CPXM2: variants seen among roughly 807,000 people sequenced by gnomAD.
The protein encoded by CPXM2 is inactive carboxypeptidase-like protein X2.
In CPXM2, 66 loss-of-function variants were observed where a neutral mutation model predicts 86.1. The observed-to-expected ratio is 0.77, with a 90% CI of 0.63 to 0.94. CPXM2 has a LOEUF of 0.94. Among genes scored for constraint, CPXM2 ranks in the 40% least tolerant of loss-of-function variants. The pLI is 0.00. For synonymous variants in CPXM2, 388 were observed against 400.2 expected, an observed-to-expected ratio of 0.97 and a Z score of 0.36; for missense variants, 948 against 1,026.3, an observed-to-expected ratio of 0.92 and a Z score of 1.04.
Position 123,891,070 on chromosome 10 carries a change from A to G in CPXM2, c.304+286T>C, listed in dbSNP as rs902166595. ...TAGCTCAGGGGATTTCAAGCTTGAA[A>G]CAAGAACTTTGACTCTCATAGGCAG... On this transcript the variant is annotated intron_variant, in intron 1 of 13. Coordinates refer to ENST00000241305, the MANE Select transcript of CPXM2 (RefSeq NM_198148.3). This position sits in a 1 kb window ranked among gnomAD's most constrained non-coding sequence, Gnocchi z 5.6. 2.6e-5 allele frequency among the ~76,000 whole-genome samples: 4 copies of G among 152,256 alleles called. No individual in the cohort carries two copies. Among genetic ancestry groups the G allele is most frequent in the Non-Finnish European group, 5.9e-5 (4 of 68,044 alleles).
intron 11 of CPXM2, among the ~76,000 whole-genome samples, chr10:123,759,797 G>T (rs1469495546): frequency 2.0e-5 from 3 of 152,190 alleles, no homozygotes; most frequent in Non-Finnish European, 4.4e-5. Flanking sequence ...AAGGTGCAGG[G>T]TTGCAGGAAC....
At chr10:123,826,928 A>G (rs1458177095) in intron 4 of CPXM2, among the ~76,000 whole-genome samples, 1 of 152,212 alleles carries the variant, frequency 6.6e-6, no homozygotes, top group Non-Finnish European at 1.5e-5. Flanking sequence ...AAAAAATTAT[A>G]GAAAAATACA....
intron 3 of CPXM2, among the ~76,000 whole-genome samples, chr10:123,856,859 T>G (rs1848735541): frequency 6.6e-6 from 1 of 152,216 alleles, no homozygotes. Context: ...CCCAAAGTGC[T>G]GGGGTTACAG....
chr10:123,768,376 AAAATAAATAAAT>A lies in CPXM2; in HGVS notation c.1299+138_1299+149del, dbSNP rs57827983. ...GCAACAGAGGGAGACTCCGACTCAA[AAAATAAATAAAT>A]AAATAAATAAATAAATAAATAAATA... On this transcript the variant is annotated intron_variant, in intron 9 of 13. Coordinates refer to ENST00000241305, the MANE Select transcript of CPXM2 (RefSeq NM_198148.3). 2,591 of 322,038 alleles carry A rather than the reference AAAATAAATAAAT, an allele frequency of 8.0e-3. 31 individuals carry two copies. Among genetic ancestry groups the A allele is most frequent in the East Asian group, 0.03 (641 of 21,190 alleles). The allele number at this position is 322,038 out of a possible 1,614,324, so 19.9% of individuals were successfully genotyped here.
chr10:123,768,112 G>C (rs541000254), intron 9 of CPXM2, among the ~76,000 whole-genome samples: 1 of 152,288 alleles, frequency 6.6e-6, no homozygotes, highest in South Asian at 2.1e-4. Context: ...GTGTGGCCAG[G>C]CACGGTGGCT....
At chr10:123,812,830 T>C (rs1459625828) in intron 4 of CPXM2, among the ~76,000 whole-genome samples, 1 of 151,568 alleles carries the variant, frequency 6.6e-6, no homozygotes, top group East Asian at 1.9e-4. Flanking sequence ...CCCTTCCCCA[T>C]CCCCCATCCC....
intron 2 of CPXM2, among the ~76,000 whole-genome samples, chr10:123,866,565 A>C (rs1397072565): frequency 6.1e-5 from 1 of 16,496 alleles, no homozygotes; most frequent in Non-Finnish European, 1.5e-4. Context: ...ACACTGTCTC[A>C]AAAAAAAAAA....
chr10:123,761,816 AC>A, intron 11 of CPXM2, 55 bp downstream of exon 11: 2 of 1,516,782 alleles, frequency 1.3e-6, no homozygotes, highest in Non-Finnish European at 1.8e-6. Flanking sequence ...CCAGGAGGAG[AC>A]CCCTGCAGCG....
At chr10:123,854,146 T>C (rs1467047518) in intron 3 of CPXM2, among the ~76,000 whole-genome samples, 1 of 150,802 alleles carries the variant, frequency 6.6e-6, no homozygotes, top group Non-Finnish European at 1.5e-5. Context: ...CCATGAGGCA[T>C]CACTGGAGAA....
intron 2 of CPXM2, among the ~76,000 whole-genome samples, chr10:123,920,256 A>G (rs924515939): frequency 2.6e-5 from 4 of 152,364 alleles, no homozygotes; most frequent in South Asian, 2.1e-4. Context: ...AAAGTTCTCA[A>G]AGACATAATT....
At chr10:123,753,865 C>T (rs191036747) in intron 13 of CPXM2, among the ~76,000 whole-genome samples, 104 of 152,312 alleles carry the variant, frequency 6.8e-4, no homozygotes, top group Non-Finnish European at 1.3e-3. Context: ...AAGGGAATCA[C>T]GCGTACTAAC....
At chr10:123,929,824 G>A (rs1305640597) in intron 2 of CPXM2, among the ~76,000 whole-genome samples, 1 of 152,186 alleles carries the variant, frequency 6.6e-6, no homozygotes, top group Non-Finnish European at 1.5e-5. Context: ...GCCAGCTCTG[G>A]ATCCCTGCCA....
At chr10:123,856,311 G>A (rs540665100) in intron 3 of CPXM2, among the ~76,000 whole-genome samples, 5 of 152,140 alleles carry the variant, frequency 3.3e-5, no homozygotes, top group South Asian at 2.1e-4. Flanking sequence ...CCTCTGACAC[G>A]GCAGTGCTTA....
chr10:123,851,615 A>T (rs1389362892), intron 3 of CPXM2, among the ~76,000 whole-genome samples: 1 of 152,056 alleles, frequency 6.6e-6, no homozygotes, highest in Non-Finnish European at 1.5e-5. Context: ...TAAAAATACA[A>T]AAAATTAGCC....
intron 6 of CPXM2, among the ~76,000 whole-genome samples, chr10:123,790,174 C>A (rs963223763): frequency 6.6e-6 from 1 of 151,976 alleles, no homozygotes; most frequent in Non-Finnish European, 1.5e-5. Context: ...GCCGGAGTGG[C>A]GGGAAAGGTG....
chr10:123,916,057 G>A (rs1341606080), intron 2 of CPXM2, among the ~76,000 whole-genome samples: 1 of 152,032 alleles, frequency 6.6e-6, no homozygotes, highest in Non-Finnish European at 1.5e-5. Context: ...CTCTTTCTCA[G>A]GCTTGAAGTT....
chr10:123,921,137 G>C (rs1945575877), intron 2 of CPXM2, among the ~76,000 whole-genome samples: 1 of 152,164 alleles, frequency 6.6e-6, no homozygotes, highest in Non-Finnish European at 1.5e-5. Flanking sequence ...CTCAATTTTA[G>C]TCCAAGAAAA....
In CPXM2 at chr10:123,768,596, A is replaced by T. The variant is rs1314526783; in HGVS notation, c.1229T>A (p.Leu410Gln). The T allele has an allele frequency of 6.2e-7, 1 of 1,614,064 alleles. No homozygotes were observed. The highest frequency in any genetic ancestry group is 8.5e-7 in the Non-Finnish European group (1 of 1,179,984). The change falls in exon 9 of 14, where the codon CTG becomes CAG. Residue 410 changes from leucine (L) to glutamine (Q), a missense_variant. Transcript: ENST00000241305. The part of the protein sequence containing the change: ...YLARNARIVH[L>Q]VEETRIHVLP... ...GACGTGAATCCGCGTCTCCTCCACCAGGTGGACGATGCGCGCATTCCGGGC... is the reference window on the plus strand; with the variant it reads ...GACGTGAATCCGCGTCTCCTCCACCTGGTGGACGATGCGCGCATTCCGGGC...
chr10:123,882,166 C>A (rs948648926), intron 1 of CPXM2, among the ~76,000 whole-genome samples: 1 of 152,168 alleles, frequency 6.6e-6, no homozygotes, highest in Admixed American at 6.5e-5. Flanking sequence ...CAAAGGAAAC[C>A]CCCCTTTTTG....
Sources: allele counts gnomAD v4.1 joint callset (sites outside exome capture counted in the v4.1 genomes callset), GRCh38; gene constraint gnomAD v4.1.1; non-coding constraint Gnocchi (gnomAD v3.1); transcripts MANE v1.5; gene names NCBI Gene and HGNC (gene_info 2026-07-23, HGNC 2026-07-21).